The following ZNF385B variants were observed in gnomAD, a reference collection of about 807,000 sequenced individuals.
ZNF385B encodes the protein zinc finger protein 533.
Under a neutral mutation model 39.2 loss-of-function variants are expected in ZNF385B, and 23 were observed. The observed-to-expected ratio is 0.59, with a 90% CI of 0.42 to 0.83. The LOEUF (loss-of-function observed/expected upper bound fraction) is 0.83, where lower values mean the gene tolerates loss of function less well. Ranked by LOEUF, ZNF385B falls within the 40% of genes least tolerant of loss-of-function variation. The probability of loss-of-function intolerance (pLI) is 0.00; values close to 1 mark genes in which losing one functional copy is unlikely to be tolerated. For missense variants in ZNF385B, 552 were observed against 598.9 expected (o/e 0.92, Z 0.82); for synonymous variants, 205 against 222.6 (o/e 0.92, Z 0.70).
intron 3 of ZNF385B, among the ~76,000 whole-genome samples, chr2:179,749,068 T>G (rs1049562532): frequency 2.0e-5 from 3 of 152,120 alleles, no homozygotes; most frequent in South Asian, 2.1e-4. Context: ...TGGTGAATTC[T>G]TCTTTTTTTT....
intron 1 of ZNF385B, chr2:179,814,397 T>TA: frequency 2.4e-6 from 1 of 408,270 alleles, no homozygotes; most frequent in East Asian, 6.7e-5. Context: ...ACAGCATCAT[T>TA]GAGAAGGTTA....
chr2:179,561,440 A>T lies in ZNF385B; in HGVS notation c.299-16471T>A, dbSNP rs568852908. On this transcript the variant is annotated intron_variant, in intron 3 of 9. Transcript: ENST00000410066. ...TTTTTTGCAAGTCCACTGAACCCTC[A>T]GTGTTTACACCTCTAACCCATGAAT... is the stretch of plus-strand genomic sequence containing the variant. Among the ~76,000 whole-genome samples the T allele has an allele frequency of 6.6e-5, 10 of 152,310 alleles. 1 individual carries two copies. In the South Asian group the frequency reaches 2.1e-3, roughly 32 times the overall value.
chr2:179,699,920 G>A (rs1444793968), intron 3 of ZNF385B, among the ~76,000 whole-genome samples: 3 of 151,976 alleles, frequency 2.0e-5, no homozygotes, highest in East Asian at 1.9e-4. Flanking sequence ...TACAATCATC[G>A]ACACCACTCA....
At chr2:179,612,805 TG>T (rs2106137825) in intron 3 of ZNF385B, among the ~76,000 whole-genome samples, 1 of 152,302 alleles carries the variant, frequency 6.6e-6, no homozygotes, top group African/African-American at 2.4e-5. Flanking sequence ...GCCAGGCTTA[TG>T]TCCTTCCCTT....
At chr2:179,640,386 C>T (rs1414369193) in intron 3 of ZNF385B, among the ~76,000 whole-genome samples, 1 of 151,792 alleles carries the variant, frequency 6.6e-6, no homozygotes, top group Non-Finnish European at 1.5e-5. Context: ...TAATAATTCT[C>T]AAATGATTCA....
At position 179,583,435 on chromosome 2, in the gene ZNF385B, G is replaced by A. The variant is rs373762726; in HGVS notation, c.299-38466C>T. ...AGGAAGTAACATTTATTGAGGACTT[G>A]CTATATATTAAGTACTTTATATATT... On this transcript the variant is annotated intron_variant, in intron 3 of 9. Coordinates refer to ENST00000410066, the MANE Select transcript of ZNF385B (RefSeq NM_152520.6). 3.1e-4 allele frequency among the ~76,000 whole-genome samples: 47 copies of A among 152,238 alleles called. No individual in the cohort carries two copies. The South Asian group carries it at 5.4e-3, about 17-fold the overall frequency.
At chr2:179,696,326 C>CTTTTT (rs71029828) in intron 3 of ZNF385B, among the ~76,000 whole-genome samples, 645 of 40,328 alleles carry the variant, frequency 0.016, 234 homozygotes, top group African/African-American at 0.018. Context: ...CAAACTGGGA[C>CTTTTT]TTTTTTTTTT....
chr2:179,619,012 T>A (rs1298802359), intron 3 of ZNF385B, among the ~76,000 whole-genome samples: 2 of 152,116 alleles, frequency 1.3e-5, no homozygotes, highest in Non-Finnish European at 2.9e-5. Context: ...CCTGGTCTGT[T>A]TACTAACAAA....
At chr2:179,605,430 T>C (rs1251836334) in intron 3 of ZNF385B, among the ~76,000 whole-genome samples, 5 of 152,120 alleles carry the variant, frequency 3.3e-5, no homozygotes, top group African/African-American at 1.2e-4. Flanking sequence ...TGTTAATAAG[T>C]ATTTTTTTAA....
chr2:179,778,662 G>C (rs1704486439), intron 1 of ZNF385B, among the ~76,000 whole-genome samples: 1 of 152,260 alleles, frequency 6.6e-6, no homozygotes, highest in Middle Eastern at 3.4e-3. Flanking sequence ...ACATAGCTTA[G>C]TATTATTTCC....
chr2:179,495,057 T>C (rs879389160), intron 5 of ZNF385B, among the ~76,000 whole-genome samples: 1 of 152,120 alleles, frequency 6.6e-6, no homozygotes, highest in Non-Finnish European at 1.5e-5. Flanking sequence ...CCACGTGTAC[T>C]CCTGGGGTCC....
At chr2:179,568,473 A>T (rs1684847390) in intron 3 of ZNF385B, among the ~76,000 whole-genome samples, 1 of 152,226 alleles carries the variant, frequency 6.6e-6, no homozygotes, top group Non-Finnish European at 1.5e-5. Context: ...GAATGACCAT[A>T]CTTTTCCAGC....
chr2:179,722,555 G>A (rs923788301), intron 3 of ZNF385B, among the ~76,000 whole-genome samples: 7 of 152,030 alleles, frequency 4.6e-5, no homozygotes, highest in African/African-American at 1.4e-4. Flanking sequence ...AAAGAAAAAT[G>A]CATAAAATTG....
chr2:179,620,963 T>C (rs1435222131), intron 3 of ZNF385B, among the ~76,000 whole-genome samples: 2 of 152,226 alleles, frequency 1.3e-5, no homozygotes, highest in Non-Finnish European at 2.9e-5. Context: ...CTGTCCTTTA[T>C]TTTCTCTGGC....
At chr2:179,801,340 A>T (rs1706019622) in intron 1 of ZNF385B, among the ~76,000 whole-genome samples, 1 of 152,042 alleles carries the variant, frequency 6.6e-6, no homozygotes, top group Admixed American at 6.6e-5. Context: ...TCTGGGGTAG[A>T]GATAGGCTCC....
At chr2:179,696,184 T>C (rs1373706945) in intron 3 of ZNF385B, among the ~76,000 whole-genome samples, 1 of 152,110 alleles carries the variant, frequency 6.6e-6, no homozygotes, top group Non-Finnish European at 1.5e-5. Flanking sequence ...TATGAAAATA[T>C]TGTAAAACTT....
intron 6 of ZNF385B, among the ~76,000 whole-genome samples, chr2:179,458,249 C>A (rs572147924): frequency 6.6e-6 from 1 of 152,068 alleles, no homozygotes; most frequent in East Asian, 1.9e-4. Flanking sequence ...ATGCTGTTCT[C>A]GTGATAGTGA....
intron 1 of ZNF385B, among the ~76,000 whole-genome samples, chr2:179,833,092 T>A (rs1476293190): frequency 6.6e-6 from 1 of 152,146 alleles, no homozygotes; most frequent in Non-Finnish European, 1.5e-5. Flanking sequence ...TGTACATGTA[T>A]ATGTGTGTAT....
intron 1 of ZNF385B, among the ~76,000 whole-genome samples, chr2:179,848,601 T>C (rs1243732059): frequency 6.6e-6 from 1 of 152,218 alleles, no homozygotes; most frequent in African/African-American, 2.4e-5. Context: ...TGAGATACAT[T>C]ATGTGATATT....
Sources: gnomAD v4.1 joint callset for allele counts (sites outside exome capture counted in the v4.1 genomes callset) on GRCh38, gnomAD v4.1.1 for gene constraint, MANE v1.5 for transcripts, NCBI Gene and HGNC (gene_info 2026-07-23, HGNC 2026-07-21) for gene names.